SCNN1A: variants seen among roughly 807,000 people sequenced by gnomAD.
SCNN1A encodes the protein sodium channel epithelial 1 subunit alpha, also known as epithelial sodium channel subunit alpha.
Under a neutral mutation model 68.6 loss-of-function variants are expected in SCNN1A, and 65 were observed. That is an observed-to-expected ratio of 0.95 (90% CI 0.78 to 1.16). SCNN1A has a LOEUF of 1.16. Ranked by LOEUF, SCNN1A falls within the 50% of genes most tolerant of loss-of-function variation. SCNN1A has a pLI of 0.00. For missense variants in SCNN1A, 880 were observed against 865.9 expected, an observed-to-expected ratio of 1.02 and a Z score of -0.20; for synonymous variants, 357 against 353.3, an observed-to-expected ratio of 1.01 and a Z score of -0.12.
rs1260701086 is a variant in SCNN1A at position 6,363,815 on chromosome 12, C to T, written c.417-105G>A. On this transcript the variant is annotated intron_variant, in intron 2 of 12. Transcript: ENST00000228916. ...TGTGCCCCGGGAGGCCGGTCCATCC[C>T]GGAGAAGCCTGGGCGGGGCTGGGGT... 5 of 1,146,924 alleles carry T rather than the reference C, an allele frequency of 4.4e-6. No homozygotes were observed. In the East Asian group the frequency reaches 8.4e-5, roughly 19 times the overall value. The allele number at this position is 1,146,924 out of a possible 1,614,324, so 71.0% of individuals were successfully genotyped here. A position where few individuals can be genotyped will look rare whatever the true frequency, so the allele number is the denominator to read the frequency against.
At position 6,355,772 on chromosome 12, in the gene SCNN1A, C is replaced by T. The variant is rs747962881; in HGVS notation, c.979+5G>A. The T allele has an allele frequency of 1.3e-6, 2 of 1,593,566 alleles. No homozygotes were observed. Among genetic ancestry groups the T allele is most frequent in the African/African-American group, 1.3e-5 (1 of 74,452 alleles). ...GCGCCATGGAGCAAGCAGGGAGCTT[C>T]TCACCGTTGTTGATTCCAGGCATGG... On this transcript the variant is annotated splice_donor_5th_base_variant and intron_variant, in intron 5 of 12. Transcript: ENST00000228916.
intron 2 of SCNN1A, among the ~76,000 whole-genome samples, chr12:6,368,530 C>A (rs1001425567): frequency 1.3e-5 from 2 of 152,236 alleles, no homozygotes; most frequent in African/African-American, 4.8e-5. Context: ...TAGGCTAAAA[C>A]TTATTTAACA....
chr12:6,354,810 G>A lies in SCNN1A; in HGVS notation c.1182C>T (p.Cys394=). ...CAGGAACATCACTGCCATTCTTGGT[G>A]CAGTCGCCATAATCGCCCCCAAGTC... ...LDRLGGDYGD[C]TKNGSDVPVE... Residue 394 remains cysteine (C), a synonymous_variant, in exon 7 of 13, where the codon TGC becomes TGT. Transcript: ENST00000228916. 1 of 1,613,990 alleles carries A rather than the reference G, an allele frequency of 6.2e-7. No individual in the cohort carries two copies. The highest frequency in any genetic ancestry group is 8.5e-7 in the Non-Finnish European group (1 of 1,179,978).
chr12:6,376,159 G>C (rs1204257930), upstream of SCNN1A: 5 of 985,662 alleles, frequency 5.1e-6, no homozygotes, highest in African/African-American at 8.7e-5. Context: ...GGTCTCTGCA[G>C]GTCTCCTCCC....
chr12:6,355,267 C>T lies in SCNN1A; in HGVS notation c.1143+5G>A. 1 of 1,611,868 alleles carries T rather than the reference C, an allele frequency of 6.2e-7. No homozygotes were observed. Among genetic ancestry groups the T allele is most frequent in the South Asian group, 1.1e-5 (1 of 90,582 alleles). The stretch of plus-strand genomic sequence containing the variant: ...CCTTCCAGGCCTCCCAGTCAGCATC[C>T]TTGCCTTCCTCATGCTGATGGAGGT... On this transcript the variant is annotated splice_donor_5th_base_variant and intron_variant, in intron 6 of 12. Coordinates refer to ENST00000228916, the MANE Select transcript of SCNN1A (RefSeq NM_001038.6).
rs1009687234 is a variant in SCNN1A at position 6,374,813 on chromosome 12, G to A, written c.-30C>T. 6.2e-7 allele frequency: 1 copy of A among 1,613,832 alleles called. No homozygotes were observed. Among genetic ancestry groups the A allele is most frequent in the Admixed American group, 1.7e-5 (1 of 59,996 alleles). On this transcript the variant is annotated 5_prime_UTR_variant, in exon 2 of 13. Transcript: ENST00000228916. The surrounding 1 kb of genome is among the most constrained non-coding windows in gnomAD (Gnocchi z 6.2). ...CCTGGTATGGGCTGCAGAGGTCTAG[G>A]GTCCTGCTCCTCCAGCTTGTTCCCC...
chr12:6,354,966 C>T (rs1455610746), intron 6 of SCNN1A, 118 bp from the exon 7 acceptor site: 30 of 890,772 alleles, frequency 3.4e-5, no homozygotes, highest in Non-Finnish European at 5.4e-5. Flanking sequence ...TGGCCTCGCC[C>T]TCTCAATACA....
intron 4 of SCNN1A, among the ~76,000 whole-genome samples, chr12:6,356,813 C>T (rs574633012): frequency 4.6e-5 from 7 of 152,168 alleles, no homozygotes; most frequent in South Asian, 4.2e-4. Flanking sequence ...CAGGCAAAGA[C>T]GGAAAGGGGA....
In SCNN1A at chr12:6,355,836, G is replaced by T; in HGVS notation, c.920C>A (p.Thr307Asn). The T allele has an allele frequency of 6.2e-7, 1 of 1,613,506 alleles. No individual in the cohort carries two copies. The highest frequency in any genetic ancestry group is 8.5e-7 in the Non-Finnish European group (1 of 1,179,504). The change falls in exon 5 of 13, where the codon ACT (threonine) becomes AAT (asparagine). Residue 307 changes from threonine to asparagine, a missense_variant. By Grantham distance (65) the Thr-to-Asn change is moderately conservative (BLOSUM62 0). Around this residue, in one of 3 missense-constraint regions of SCNN1A, gnomAD observed 758 missense variants for 721.8 expected, o/e 1.05. Coordinates refer to ENST00000228916, the MANE Select transcript of SCNN1A (RefSeq NM_001038.6). ...GTTGGAGTTGTTCTTGTCATTGAAAGTATAGCAGTTTCCATACATCGGGTG... is the reference window on the plus strand; with the variant it reads ...GTTGGAGTTGTTCTTGTCATTGAAATTATAGCAGTTTCCATACATCGGGTG... ...FHHPMYGNCYTFNDKNNSNLW... is the reference protein window; with the variant it reads ...FHHPMYGNCYNFNDKNNSNLW...
chr12:6,367,867 G>C (rs571233267), intron 2 of SCNN1A, among the ~76,000 whole-genome samples: 1 of 152,134 alleles, frequency 6.6e-6, no homozygotes, highest in Non-Finnish European at 1.5e-5. Flanking sequence ...ATTAACCACC[G>C]TCTAGTCCAG....
At position 6,355,427 on chromosome 12, in the gene SCNN1A, G is replaced by A; in HGVS notation, c.988C>T (p.Leu330=). Residue 330 remains leucine (L), a synonymous_variant, in exon 6 of 13, where the codon CTG becomes TTG. Transcript: ENST00000228916. ...TCATTCTGCTCTGCGCGCAGCATCA[G>A]GGACAGACCTAGGGGTGCAGAGAGA... The part of the protein sequence containing the change: ...SMPGINNGLS[L]MLRAEQNDFI... The A allele has an allele frequency of 6.2e-7, 1 of 1,613,908 alleles. No individual in the cohort carries two copies.
chr12:6,375,454 A>AGTTGAAT, intron 1 of SCNN1A, 51 bp downstream of exon 1: 1 of 1,535,232 alleles, frequency 6.5e-7, no homozygotes, highest in South Asian at 1.2e-5. Context: ...CTGGACTGGG[A>AGTTGAAT]CTGGTTCCTT....
intron 2 of SCNN1A, among the ~76,000 whole-genome samples, chr12:6,368,248 G>T (rs996425078): frequency 2.0e-5 from 3 of 152,196 alleles, no homozygotes; most frequent in African/African-American, 7.2e-5. Context: ...TGACTCTGGG[G>T]GCTGCTGCAT....
chr12:6,371,714 T>C (rs984426457), intron 2 of SCNN1A, among the ~76,000 whole-genome samples: 6 of 152,142 alleles, frequency 3.9e-5, no homozygotes, highest in South Asian at 2.1e-4. Context: ...CCAAGGTGTG[T>C]TGTGAGAATT....
upstream of SCNN1A, chr12:6,377,243 C>T (rs1342801148): frequency 6.5e-7 from 1 of 1,548,740 alleles, no homozygotes; most frequent in African/African-American, 1.4e-5. Flanking sequence ...ACCAGGTTCC[C>T]TTGCTTACCT....
At position 6,374,954 on chromosome 12, in the gene SCNN1A, T is replaced by C; in HGVS notation, c.-54-117A>G. 6.4e-7 allele frequency: 1 copy of C among 1,573,918 alleles called. No individual in the cohort carries two copies. The highest frequency in any genetic ancestry group is 1.9e-5 in the Admixed American group (1 of 52,770). ...ACCCGAGTGAGGCTGCCCCTGGCCA[T>C]GCCCATGTCCCACCCTGCGCCCACA... is the stretch of plus-strand genomic sequence containing the variant. On this transcript the variant is annotated intron_variant, in intron 1 of 12. Transcript: ENST00000228916. The surrounding 1 kb of genome is among the most constrained non-coding windows in gnomAD (Gnocchi z 6.2).
chr12:6,376,761 G>C (rs1380282812), upstream of SCNN1A, among the ~76,000 whole-genome samples: 1 of 152,126 alleles, frequency 6.6e-6, no homozygotes, highest in Non-Finnish European at 1.5e-5. Flanking sequence ...GGCAGGGAAG[G>C]CTGCCGCTTC....
intron 1 of SCNN1A, chr12:6,375,264 T>C: frequency 7.0e-7 from 1 of 1,438,106 alleles, no homozygotes; most frequent in Non-Finnish European, 9.1e-7. Flanking sequence ...CTGGCCTGCC[T>C]CCTCTCTCTA....
intron 4 of SCNN1A, chr12:6,356,141 A>T (rs1948494518): frequency 1.9e-6 from 1 of 532,434 alleles, no homozygotes; most frequent in African/African-American, 1.9e-5. Context: ...CAGAGAGCTC[A>T]AACAGCTGGC....
Sources: gnomAD v4.1 joint callset for allele counts (sites outside exome capture counted in the v4.1 genomes callset) on GRCh38, gnomAD v4.1.1 for gene constraint, gnomAD v4.1.1 regional missense constraint, Gnocchi (gnomAD v3.1) non-coding constraint, MANE v1.5 for transcripts, NCBI Gene and HGNC (gene_info 2026-07-23, HGNC 2026-07-21) for gene names.